Variants in SYT14 observed in about 807,000 individuals in gnomAD.
The protein encoded by SYT14 is synaptotagmin 14, also known as synaptotagmin-14.
A neutral mutation model predicts 74.2 loss-of-function variants in SYT14; 32 were observed. That is an observed-to-expected ratio of 0.43 (90% CI 0.33 to 0.58). The LOEUF (loss-of-function observed/expected upper bound fraction) is 0.58. Among genes scored for constraint, SYT14 ranks in the 20% least tolerant of loss-of-function variants. SYT14 has a pLI of 0.05. For synonymous variants in SYT14, 298 were observed against 337.7 expected, an observed-to-expected ratio of 0.88 and a Z score of 1.29; for missense variants, 791 against 981.8, an observed-to-expected ratio of 0.81 and a Z score of 2.60.
At chr1:210,062,325 T>C in intron 5 of SYT14, among the ~76,000 whole-genome samples, 1 of 151,908 alleles carries the variant, frequency 6.6e-6, no homozygotes, top group East Asian at 1.9e-4. Flanking sequence ...CTGCAAATGG[T>C]TGACTGCAAA....
chr1:209,990,035 A>T (rs2079638008), intron 2 of SYT14, among the ~76,000 whole-genome samples: 2 of 152,168 alleles, frequency 1.3e-5, no homozygotes, highest in Non-Finnish European at 2.9e-5. Context: ...CAATTTTAAT[A>T]AACAAGTAAA....
intron 5 of SYT14, among the ~76,000 whole-genome samples, chr1:210,064,923 C>T (rs2081269735): frequency 6.6e-6 from 1 of 152,044 alleles, no homozygotes; most frequent in African/African-American, 2.4e-5. Context: ...CTCGCCAACA[C>T]TTGTTATTCC....
At chr1:210,016,374 A>T in exon 4 of SYT14, 1 of 1,232,124 alleles carries the variant, frequency 8.1e-7, no homozygotes, top group South Asian at 4.1e-5. Flanking sequence ...CATGTTAATG[A>T]TAGGCAACAA....
At chr1:210,068,851 C>T (rs1469116249) in intron 5 of SYT14, among the ~76,000 whole-genome samples, 2 of 151,530 alleles carry the variant, frequency 1.3e-5, no homozygotes, top group East Asian at 3.9e-4. Context: ...TATACTTTAA[C>T]TTCTTGAGCT....
At chr1:209,956,388 T>C (rs1026188307) in intron 2 of SYT14, among the ~76,000 whole-genome samples, 1 of 152,150 alleles carries the variant, frequency 6.6e-6, no homozygotes, top group Admixed American at 6.5e-5. Flanking sequence ...GATTTAGGGA[T>C]CCAGGCTCCT....
chr1:209,983,063 G>C (rs1308673375), intron 2 of SYT14, among the ~76,000 whole-genome samples: 1 of 151,622 alleles, frequency 6.6e-6, no homozygotes, highest in Non-Finnish European at 1.5e-5. Context: ...TTATTGTTGA[G>C]TTTTAAGAGT....
chr1:210,114,689 C>T (rs1374075744), intron 7 of SYT14, among the ~76,000 whole-genome samples: 2 of 151,134 alleles, frequency 1.3e-5, no homozygotes. Flanking sequence ...GAGCATTAAC[C>T]TTGACTGTGC....
At chr1:210,138,360 C>T (rs1416542671) in intron 7 of SYT14, among the ~76,000 whole-genome samples, 2 of 152,164 alleles carry the variant, frequency 1.3e-5, no homozygotes, top group African/African-American at 4.8e-5. Context: ...TCAATTACCT[C>T]GCACCAGTTC....
intron 5 of SYT14, among the ~76,000 whole-genome samples, chr1:210,033,878 C>A (rs1324238830): frequency 2.0e-5 from 3 of 151,580 alleles, no homozygotes; most frequent in Admixed American, 6.6e-5. Flanking sequence ...AATATTTACA[C>A]CCTTAAACAT....
intron 2 of SYT14, among the ~76,000 whole-genome samples, chr1:209,998,733 G>C (rs2079841585): frequency 6.6e-6 from 1 of 151,986 alleles, no homozygotes; most frequent in Admixed American, 6.6e-5. Context: ...TGGGAAATCT[G>C]GATATTCATA....
intron 5 of SYT14, among the ~76,000 whole-genome samples, chr1:210,068,981 T>C (rs2081345369): frequency 6.6e-6 from 1 of 151,854 alleles, no homozygotes; most frequent in African/African-American, 2.4e-5. Flanking sequence ...TGCAATATCT[T>C]CATTTTTATT....
intron 5 of SYT14, among the ~76,000 whole-genome samples, chr1:210,085,804 T>C (rs1339380956): frequency 1.3e-5 from 2 of 152,156 alleles, no homozygotes; most frequent in Non-Finnish European, 2.9e-5. Flanking sequence ...TTGTATAGAT[T>C]TTTTGTATCT....
At chr1:210,140,746 T>G (rs186677590) in intron 7 of SYT14, among the ~76,000 whole-genome samples, 154 of 152,244 alleles carry the variant, frequency 1.0e-3, no homozygotes, top group Admixed American at 8.8e-3. Context: ...AACAATTTGT[T>G]GAAAAAAAAT....
intron 2 of SYT14, among the ~76,000 whole-genome samples, chr1:209,979,290 C>T (rs573280414): frequency 2.4e-4 from 37 of 152,260 alleles, no homozygotes; most frequent in African/African-American, 8.7e-4. Flanking sequence ...CTGTCTTCTG[C>T]GTCGCTCACA....
chr1:209,981,483 A>T lies in SYT14; in HGVS notation c.-486+28727A>T, dbSNP rs1216330708. On this transcript the variant is annotated intron_variant, in intron 2 of 9. Transcript: ENST00000637265. Reference sequence around the variant, plus strand: ...TTTTTTTTTTTTGAGGCAGGATCTCACTCTGTTGCCCAAGCTAGAGAGCAG... The same window carrying T: ...TTTTTTTTTTTTGAGGCAGGATCTCTCTCTGTTGCCCAAGCTAGAGAGCAG... Among the ~76,000 whole-genome samples the T allele has an allele frequency of 4.6e-5, 5 of 108,456 alleles. No homozygotes were observed. The East Asian group carries it at 1.2e-3, about 27-fold the overall frequency. 71.2% of individuals were successfully genotyped at this position (108,456 alleles called of 152,430 possible).
intron 2 of SYT14, among the ~76,000 whole-genome samples, chr1:209,983,107 ATG>A (rs1419982039): frequency 5.3e-5 from 8 of 151,670 alleles, no homozygotes; most frequent in Admixed American, 5.3e-4. Context: ...CCTTTATCAA[ATG>A]TGTCTTTTGC....
At chr1:210,081,322 T>C (rs2081611555) in intron 5 of SYT14, among the ~76,000 whole-genome samples, 1 of 152,224 alleles carries the variant, frequency 6.6e-6, no homozygotes, top group Non-Finnish European at 1.5e-5. Flanking sequence ...CTAAGTCTGC[T>C]TCTGGGTATA....
intron 7 of SYT14, among the ~76,000 whole-genome samples, chr1:210,126,475 A>G (rs2082573321): frequency 6.6e-6 from 1 of 152,152 alleles, no homozygotes; most frequent in Admixed American, 6.5e-5. Flanking sequence ...CTTTATCATT[A>G]TATCTTTGTA....
At position 210,028,383 on chromosome 1, in the gene SYT14, CTT is replaced by C. The variant is rs1211228404; in HGVS notation, c.1312+7132_1312+7133del. Among the ~76,000 whole-genome samples the C allele has an allele frequency of 2.7e-5, 4 of 145,694 alleles. No homozygotes were observed. The Admixed American group carries it at 2.8e-4, about 10-fold the overall frequency. On this transcript the variant is annotated intron_variant, in intron 5 of 9. Coordinates refer to ENST00000637265, the Ensembl canonical transcript of SYT14. ...ATCACCACTATCCATCTCTAGAACT[CTT>C]TTCATCTTGCAAAGCTGAACTCCAT...
Sources: gnomAD v4.1 joint callset for allele counts (sites outside exome capture counted in the v4.1 genomes callset) on GRCh38, gnomAD v4.1.1 for gene constraint, MANE v1.5 for transcripts, NCBI Gene and HGNC (gene_info 2026-07-23, HGNC 2026-07-21) for gene names.